The following CARS2 variants were observed in gnomAD, a reference collection of about 807,000 sequenced individuals.
CARS2 encodes the protein cysteinyl-tRNA synthetase 2, mitochondrial.
CARS2 carries 52 observed loss-of-function variants against 68.8 expected under a neutral mutation model. The ratio of observed to expected loss-of-function variants is 0.76; its 90% CI spans 0.61 to 0.95. The LOEUF is 0.95. Ranked by LOEUF, CARS2 falls within the 40% of genes least tolerant of loss-of-function variation. CARS2 has a pLI of 0.00. For synonymous variants in CARS2, 314 were observed against 303.6 expected, an observed-to-expected ratio of 1.03 and a Z score of -0.36; for missense variants, 780 against 754.2, an observed-to-expected ratio of 1.03 and a Z score of -0.40.
intron 3 of CARS2, among the ~76,000 whole-genome samples, chr13:110,697,523 A>G (rs1360287006): frequency 6.6e-6 from 1 of 152,104 alleles, no homozygotes; most frequent in Admixed American, 6.6e-5. Context: ...GCTCACTGCA[A>G]CCTCCACCTC....
At chr13:110,686,659 C>G (rs2063312695) in intron 5 of CARS2, among the ~76,000 whole-genome samples, 1 of 148,538 alleles carries the variant, frequency 6.7e-6, no homozygotes, top group African/African-American at 2.5e-5. Flanking sequence ...TGGGTGCAAG[C>G]AATTCTCATG....
chr13:110,645,808 G>GT (rs1290537913), intron 12 of CARS2, 159 bp downstream of exon 12: 1 of 970,130 alleles, frequency 1.0e-6, no homozygotes. Flanking sequence ...GCCATCCCGT[G>GT]TGTCAGCGGC....
chr13:110,682,060 A>G (rs944071603), intron 6 of CARS2, among the ~76,000 whole-genome samples: 2 of 151,180 alleles, frequency 1.3e-5, no homozygotes, highest in Non-Finnish European at 2.9e-5. Context: ...CCTGATGCCA[A>G]CTCTGGTCTC....
intron 13 of CARS2, 110 bp from the exon 14 acceptor site, chr13:110,642,631 CCT>C (rs774917578): frequency 2.9e-6 from 3 of 1,027,548 alleles, no homozygotes; most frequent in Non-Finnish European, 4.6e-6. Context: ...CCTGGGCTTC[CCT>C]GATTCCCTGC....
intron 3 of CARS2, among the ~76,000 whole-genome samples, chr13:110,699,662 T>G (rs2063725065): frequency 6.6e-6 from 1 of 152,202 alleles, no homozygotes; most frequent in South Asian, 2.1e-4. Context: ...AGAATGGTGA[T>G]TAGAGGAAGC....
chr13:110,642,584 A>G (rs757311069), intron 13 of CARS2, 63 bp from the exon 14 acceptor site: 28 of 1,483,054 alleles, frequency 1.9e-5, no homozygotes, highest in Middle Eastern at 3.4e-4. Context: ...CCCCCTCCCC[A>G]CCCCGTGGTT....
Position 110,665,721 on chromosome 13 carries a change from C to T in CARS2, c.919+1619G>A. On this transcript the variant is annotated intron_variant, in intron 8 of 14. Transcript: ENST00000257347. The surrounding 1 kb of genome is among the most constrained non-coding windows in gnomAD (Gnocchi z 4.3). ...CTCAGACAGTTCAGGGAGCGCTGAA[C>T]TGAGCCCTGAACGAAGTCAACGAGG... is the stretch of plus-strand genomic sequence containing the variant. 1 of 985,424 alleles carries T rather than the reference C, an allele frequency of 1.0e-6. No individual in the cohort carries two copies. The highest frequency in any genetic ancestry group is 1.2e-6 in the Non-Finnish European group (1 of 829,924). 61.0% of individuals were successfully genotyped at this position (985,424 alleles called of 1,614,324 possible).
In CARS2 at chr13:110,665,037, G is replaced by C. The variant is rs1471138758; in HGVS notation, c.920-1519C>G. On this transcript the variant is annotated intron_variant, in intron 8 of 14. Transcript: ENST00000257347. The surrounding 1 kb of genome is among the most constrained non-coding windows in gnomAD (Gnocchi z 4.3). Reference sequence around the variant, plus strand: ...GCTCTTCCATCCACTGGGTACAGGAGAACAGGTGTCACTTCTCCTGCGTCA... The same window carrying C: ...GCTCTTCCATCCACTGGGTACAGGACAACAGGTGTCACTTCTCCTGCGTCA... The C allele has an allele frequency of 1.0e-6, 1 of 985,326 alleles. No individual in the cohort carries two copies. Among genetic ancestry groups the C allele is most frequent in the Non-Finnish European group, 1.2e-6 (1 of 829,932 alleles). 61.0% of individuals were successfully genotyped at this position (985,326 alleles called of 1,614,324 possible).
chr13:110,644,583 T>A, intron 12 of CARS2, 100 bp from the exon 13 acceptor site: 1 of 1,543,308 alleles, frequency 6.5e-7, no homozygotes, highest in Non-Finnish European at 8.7e-7. Context: ...GCAGGTCACT[T>A]CAGTCTGGCC....
intron 3 of CARS2, among the ~76,000 whole-genome samples, chr13:110,700,006 G>A (rs889967367): frequency 3.3e-5 from 5 of 152,374 alleles, no homozygotes; most frequent in African/African-American, 1.2e-4. Flanking sequence ...CCACAAGTGC[G>A]CAGGCCATTC....
At chr13:110,693,375 T>C (rs1187862036) in intron 3 of CARS2, among the ~76,000 whole-genome samples, 3 of 151,958 alleles carry the variant, frequency 2.0e-5, no homozygotes, top group African/African-American at 7.2e-5. Context: ...ACATTCTTTT[T>C]TTTTGAGGCA....
chr13:110,678,522 G>T (rs1490634737), intron 6 of CARS2, among the ~76,000 whole-genome samples: 1 of 152,198 alleles, frequency 6.6e-6, no homozygotes, highest in Non-Finnish European at 1.5e-5. Flanking sequence ...GACTGGACAG[G>T]CTACGTTTTC....
chr13:110,646,379 T>C, intron 11 of CARS2: 3 of 249,800 alleles, frequency 1.2e-5, no homozygotes, highest in Non-Finnish European at 2.3e-5. Flanking sequence ...CAATAGATAT[T>C]GAGGGGAGTG....
chr13:110,702,354 A>G (rs1173467110), intron 2 of CARS2, among the ~76,000 whole-genome samples: 2 of 152,192 alleles, frequency 1.3e-5, no homozygotes, highest in Admixed American at 6.5e-5. Flanking sequence ...AAAACTCAAC[A>G]AGATAATTAA....
chr13:110,672,344 A>T (rs2062825741), intron 7 of CARS2, among the ~76,000 whole-genome samples: 1 of 152,244 alleles, frequency 6.6e-6, no homozygotes, highest in South Asian at 2.1e-4. Flanking sequence ...ATGTAAAAGA[A>T]CAGAAATTGT....
chr13:110,665,499 C>T lies in CARS2; in HGVS notation c.919+1841G>A, dbSNP rs1342042796. The T allele has an allele frequency of 2.8e-5, 28 of 985,326 alleles. No homozygotes were observed. Among genetic ancestry groups the T allele is most frequent in the South Asian group, 4.7e-5 (1 of 21,292 alleles). 61.0% of individuals were successfully genotyped at this position (985,326 alleles called of 1,614,324 possible). On this transcript the variant is annotated intron_variant, in intron 8 of 14. Coordinates refer to ENST00000257347, the MANE Select transcript of CARS2 (RefSeq NM_024537.4). The surrounding 1 kb of genome is among the most constrained non-coding windows in gnomAD (Gnocchi z 4.3). ...CACATCGGAAGGTGAACACGACCTC[C>T]GTTTCTAGACCCGGCCCCTCCTCAT...
chr13:110,710,694 A>G (rs1389055646), upstream of CARS2, among the ~76,000 whole-genome samples: 1 of 152,228 alleles, frequency 6.6e-6, no homozygotes, highest in Non-Finnish European at 1.5e-5. Flanking sequence ...TTTGTTCCAA[A>G]AAAGATAAAA....
chr13:110,666,472 C>T (rs1043975757), intron 8 of CARS2: 26 of 985,200 alleles, frequency 2.6e-5, no homozygotes, highest in South Asian at 4.7e-5. Flanking sequence ...GGGGCAGAGC[C>T]GCCTGCTGGG....
chr13:110,642,467 C>T lies in CARS2; in HGVS notation c.1471G>A (p.Val491Met). The T allele has an allele frequency of 6.8e-6, 11 of 1,609,960 alleles. No individual in the cohort carries two copies. Among genetic ancestry groups the T allele is most frequent in the Non-Finnish European group, 8.5e-6 (10 of 1,178,638 alleles). The part of the protein sequence containing the change: ...ATLHGVVDEL[V>M]RFRQKVRQFA... ...TGCCGGACCTTCTGCCGGAACCGCA[C>T]CAGCTCGTCCACCACACCATGCAAG... The change falls in exon 14 of 15, where the codon GTG (valine) becomes ATG (methionine). Residue 491 changes from valine (V) to methionine (M), a missense_variant. Transcript: ENST00000257347.
Sources: gnomAD v4.1 joint callset for allele counts (sites outside exome capture counted in the v4.1 genomes callset) on GRCh38, gnomAD v4.1.1 for gene constraint, Gnocchi (gnomAD v3.1) non-coding constraint, MANE v1.5 for transcripts, NCBI Gene and HGNC (gene_info 2026-07-23, HGNC 2026-07-21) for gene names.